The following ZNF536 variants were observed in gnomAD, a reference collection of about 807,000 sequenced individuals.
ZNF536 encodes zinc finger protein 536.
A neutral mutation model predicts 84.5 loss-of-function variants in ZNF536; 13 were observed. That is an observed-to-expected ratio of 0.15 (90% CI 0.10 to 0.24). The LOEUF (loss-of-function observed/expected upper bound fraction) is 0.24. Among genes scored for constraint, ZNF536 ranks in the 10% least tolerant of loss-of-function variants. The pLI is 1.00. For synonymous variants in ZNF536, 811 were observed against 742.5 expected, an observed-to-expected ratio of 1.09 and a Z score of -1.50; for missense variants, 1,536 against 1,747.5, an observed-to-expected ratio of 0.88 and a Z score of 2.16.
intron 1 of ZNF536, among the ~76,000 whole-genome samples, chr19:30,623,045 TTTG>T (rs2048547307): frequency 6.7e-6 from 1 of 148,708 alleles, no homozygotes; most frequent in Admixed American, 6.6e-5. Flanking sequence ...TTTTTGTTTT[TTTG>T]TTTTTTTGAG....
chr19:30,380,500 A>G (rs893858940), intron 1 of ZNF536, among the ~76,000 whole-genome samples: 1 of 152,202 alleles, frequency 6.6e-6, no homozygotes, highest in Non-Finnish European at 1.5e-5. Flanking sequence ...ATCAGTGGCC[A>G]AAAAAGAGGG....
chr19:30,704,397 A>G (rs2052129560), intron 1 of ZNF536, among the ~76,000 whole-genome samples: 2 of 152,174 alleles, frequency 1.3e-5, no homozygotes, highest in Admixed American at 1.3e-4. Context: ...CAGTAATCCC[A>G]GCACTTTGGG....
chr19:30,657,410 C>T (rs779521952), intron 1 of ZNF536, among the ~76,000 whole-genome samples: 14 of 152,328 alleles, frequency 9.2e-5, no homozygotes, highest in Non-Finnish European at 1.0e-4. Context: ...GTCCAAGAGG[C>T]GGCCGCCAGC....
chr19:30,320,646 C>A (rs2046823153), intron 2 of ZNF536, among the ~76,000 whole-genome samples: 1 of 152,140 alleles, frequency 6.6e-6, no homozygotes, highest in Non-Finnish European at 1.5e-5. Flanking sequence ...GGAGGCCTTG[C>A]AGATGGAACG....
chr19:30,443,039 GTTTGTTT>G (rs1300481021), intron 1 of ZNF536, among the ~76,000 whole-genome samples: 2 of 98,670 alleles, frequency 2.0e-5, no homozygotes, highest in African/African-American at 3.6e-5. Flanking sequence ...AGTGTTTTTT[GTTTGTTT>G]TTTTTTTTTT....
chr19:30,701,298 TACACAAACAC>T (rs1284946983), intron 1 of ZNF536, among the ~76,000 whole-genome samples: 1 of 86,740 alleles, frequency 1.2e-5, no homozygotes, highest in Non-Finnish European at 2.4e-5. Context: ...CAAACACACA[TACACAAACAC>T]ACACAGACAC....
At chr19:30,574,446 G>A (rs2046658245) in intron 1 of ZNF536, among the ~76,000 whole-genome samples, 1 of 152,238 alleles carries the variant, frequency 6.6e-6, no homozygotes, top group East Asian at 1.9e-4. Flanking sequence ...GTTGGCTTGT[G>A]GGTGGCCCCC....
At chr19:30,615,756 T>G (rs1418617500) in intron 1 of ZNF536, among the ~76,000 whole-genome samples, 2 of 152,184 alleles carry the variant, frequency 1.3e-5, no homozygotes, top group Non-Finnish European at 2.9e-5. Flanking sequence ...GAGTCTTACG[T>G]CTAAGAGCAA....
rs527560040 is a variant in ZNF536 at position 30,563,981 on chromosome 19, G to A, written c.169+14467G>A. Reference sequence around the variant, plus strand: ...GGACAGCAGGGAGGCCTAGCCCCAGGGGCCTGGGATGGGGGGACCAAGGGA... The same window carrying A: ...GGACAGCAGGGAGGCCTAGCCCCAGAGGCCTGGGATGGGGGGACCAAGGGA... On this transcript the variant is annotated intron_variant, in intron 1 of 1. Coordinates refer to the ZNF536 transcript ENST00000592773. Among the ~76,000 whole-genome samples, 4 of 152,308 alleles carry A rather than the reference G, an allele frequency of 2.6e-5. No homozygotes were observed. In the South Asian group the frequency reaches 8.3e-4, roughly 32 times the overall value.
At chr19:30,462,062 G>T (rs959250763) in intron 2 of ZNF536, among the ~76,000 whole-genome samples, 10 of 152,212 alleles carry the variant, frequency 6.6e-5, no homozygotes, top group African/African-American at 2.4e-4. Flanking sequence ...CTAGATGATT[G>T]TCTGGGAGGG....
Position 30,458,447 on chromosome 19 carries a change from G to GTTTTTTTTTTTT in ZNF536, c.2170+12727_2170+12738dup, listed in dbSNP as rs3084731. Among the ~76,000 whole-genome samples, 36 of 83,486 alleles carry GTTTTTTTTTTTT rather than the reference G, an allele frequency of 4.3e-4. 6 individuals carry two copies. The highest frequency in any genetic ancestry group is 1.7e-3 in the African/African-American group (31 of 17,920). 54.8% of individuals were successfully genotyped at this position (83,486 alleles called of 152,430 possible). ...CCAAGTATTTCCTCAATTTCCTGCT[G>GTTTTTTTTTTTT]TTTTTTTTTTTTTTTTTTTTTTTGA... On this transcript the variant is annotated intron_variant, in intron 2 of 4. Transcript: ENST00000355537.
chr19:30,357,150 G>A (rs2048121929), intron 3 of ZNF536, among the ~76,000 whole-genome samples: 1 of 152,254 alleles, frequency 6.6e-6, no homozygotes, highest in Non-Finnish European at 1.5e-5. Context: ...GCAGGAGAAT[G>A]GGTGGGGAAG....
At chr19:30,638,800 C>T (rs2049163907) in intron 1 of ZNF536, among the ~76,000 whole-genome samples, 1 of 152,186 alleles carries the variant, frequency 6.6e-6, no homozygotes, top group South Asian at 2.1e-4. Context: ...CTTTATATAT[C>T]TTTGCAGTCA....
chr19:30,625,172 G>A (rs1042887894), intron 1 of ZNF536, among the ~76,000 whole-genome samples: 1 of 152,178 alleles, frequency 6.6e-6, no homozygotes, highest in Non-Finnish European at 1.5e-5. Flanking sequence ...TGGGCCCACA[G>A]GTGAGCATAG....
intron 2 of ZNF536, among the ~76,000 whole-genome samples, chr19:30,331,458 G>A (rs905993664): frequency 4.6e-5 from 7 of 151,976 alleles, no homozygotes; most frequent in Non-Finnish European, 8.8e-5. Flanking sequence ...GACTTGAGGA[G>A]ATCTCTTGTA....
chr19:30,576,058 C>A (rs1309293768), intron 1 of ZNF536, among the ~76,000 whole-genome samples: 1 of 152,220 alleles, frequency 6.6e-6, no homozygotes, highest in African/African-American at 2.4e-5. Flanking sequence ...CATTGGAATT[C>A]TTAATGATGT....
chr19:30,236,534 G>C (rs1042754560), intron 1 of ZNF536, among the ~76,000 whole-genome samples: 17 of 135,056 alleles, frequency 1.3e-4, no homozygotes, highest in Admixed American at 5.2e-4. Context: ...TGGGGCGGGG[G>C]GGGGGTACAA....
intron 3 of ZNF536, 108 bp downstream of exon 3, chr19:30,535,107 A>C: frequency 7.4e-7 from 1 of 1,343,298 alleles, no homozygotes; most frequent in African/African-American, 1.5e-5. Flanking sequence ...TAACTCTGGA[A>C]GGTTCTCCCT....
intron 1 of ZNF536, among the ~76,000 whole-genome samples, chr19:30,658,346 C>G (rs2049994959): frequency 6.6e-6 from 1 of 152,050 alleles, no homozygotes; most frequent in East Asian, 1.9e-4. Flanking sequence ...TGATTAAAAC[C>G]CAAGCTCCCC....
Sources: gnomAD v4.1 joint callset for allele counts (sites outside exome capture counted in the v4.1 genomes callset) on GRCh38, gnomAD v4.1.1 for gene constraint, MANE v1.5 for transcripts, NCBI Gene and HGNC (gene_info 2026-07-23, HGNC 2026-07-21) for gene names.